RTL4: variants seen among roughly 807,000 people sequenced by gnomAD.
The protein encoded by RTL4 is retrotransposon Gag like 4.
In RTL4, 4 loss-of-function variants were observed where a neutral mutation model predicts 5.3. The ratio of observed to expected loss-of-function variants is 0.75; its 90% CI spans 0.37 to 1.72. The LOEUF is 1.72. Ranked by LOEUF, RTL4 falls within the 40% of genes most tolerant of loss-of-function variation. The pLI is 0.04. For synonymous variants in RTL4, 98 were observed against 87.3 expected (o/e 1.12, Z -0.68); for missense variants, 260 against 227.1 (o/e 1.14, Z -0.93).
chrX:112,269,219 C>T, the RTL4 span, among the ~76,000 whole-genome samples: 3 of 111,903 alleles, frequency 2.7e-5, 1 homozygote, highest in Admixed American at 2.8e-4. Context: ...TTTTCATGTC[C>T]CTTATCTGAA....
the RTL4 span, among the ~76,000 whole-genome samples, chrX:112,086,338 A>G: frequency 1.8e-5 from 2 of 112,691 alleles, no homozygotes; most frequent in Non-Finnish European, 3.8e-5. Flanking sequence ...TTTGTTTTCA[A>G]GGAAAGTTTC....
upstream of RTL4, among the ~76,000 whole-genome samples, chrX:112,454,155 G>A (rs777482780): frequency 8.0e-5 from 9 of 111,960 alleles, no homozygotes; most frequent in South Asian, 3.4e-3. Flanking sequence ...GCTTCCATGG[G>A]CCACATTGGA....
At chrX:112,207,098 A>G in the RTL4 span, among the ~76,000 whole-genome samples, 4 of 111,687 alleles carry the variant, frequency 3.6e-5, no homozygotes, top group Admixed American at 9.6e-5. Context: ...TTATTATAAT[A>G]GTCTCCTTAA....
At chrX:112,112,064 G>C in the RTL4 span, among the ~76,000 whole-genome samples, 1 of 111,704 alleles carries the variant, frequency 9.0e-6, no homozygotes. Flanking sequence ...TCCTTTCCTT[G>C]TATTATTTTG....
chrX:112,264,162 T>C, the RTL4 span, among the ~76,000 whole-genome samples: 1 of 111,646 alleles, frequency 9.0e-6, no homozygotes, highest in Non-Finnish European at 1.9e-5. Flanking sequence ...AAAATAAAGA[T>C]GACGACTGCT....
the RTL4 span, among the ~76,000 whole-genome samples, chrX:112,302,957 T>G: frequency 0.24 from 26,424 of 111,411 alleles, 2,486 homozygotes; most frequent in Admixed American, 0.34. Flanking sequence ...ACAGGAATCC[T>G]ATCCAGAGGA....
At chrX:112,269,441 T>C in the RTL4 span, among the ~76,000 whole-genome samples, 2 of 111,471 alleles carry the variant, frequency 1.8e-5, no homozygotes, top group African/African-American at 6.5e-5. Context: ...CTTTTTGCTC[T>C]AAATCACACT....
the RTL4 span, among the ~76,000 whole-genome samples, chrX:112,166,249 T>G: frequency 8.9e-6 from 1 of 112,062 alleles, no homozygotes. Context: ...GGGTATTCTT[T>G]AATTATTTTG....
At chrX:112,188,049 G>A in the RTL4 span, among the ~76,000 whole-genome samples, 2 of 111,278 alleles carry the variant, frequency 1.8e-5, no homozygotes, top group Non-Finnish European at 3.8e-5. Context: ...TCTACTAGGC[G>A]CCAGACACAT....
the RTL4 span, among the ~76,000 whole-genome samples, chrX:112,439,034 C>G: frequency 8.9e-6 from 1 of 111,772 alleles, no homozygotes; most frequent in Non-Finnish European, 1.9e-5. Context: ...AGTCCAGAAG[C>G]AGGGAAGTAA....
At chrX:112,409,130 T>A in the RTL4 span, among the ~76,000 whole-genome samples, 1 of 112,230 alleles carries the variant, frequency 8.9e-6, no homozygotes, top group Non-Finnish European at 1.9e-5. Flanking sequence ...ACACAGAATA[T>A]TATAACACTG....
At chrX:112,341,777 G>A in the RTL4 span, among the ~76,000 whole-genome samples, 1 of 111,749 alleles carries the variant, frequency 8.9e-6, no homozygotes, top group African/African-American at 3.3e-5. Flanking sequence ...GGTCAGATGA[G>A]TAATCTTAAA....
At chrX:112,239,481 G>A in the RTL4 span, among the ~76,000 whole-genome samples, 38 of 111,616 alleles carry the variant, frequency 3.4e-4, no homozygotes, top group East Asian at 0.01. Context: ...TCTGCTTTTC[G>A]CCTTCCTGGT....
chrX:112,423,248 T>C, the RTL4 span, among the ~76,000 whole-genome samples: 2 of 110,184 alleles, frequency 1.8e-5, no homozygotes, highest in Non-Finnish European at 3.8e-5. Context: ...GGTCGATGCA[T>C]GTGGATTATG....
At chrX:112,316,930 G>A in the RTL4 span, among the ~76,000 whole-genome samples, 1 of 111,767 alleles carries the variant, frequency 8.9e-6, no homozygotes, top group African/African-American at 3.3e-5. Flanking sequence ...GCCACATGTC[G>A]CTGTAAATAC....
Position 112,454,630 on chromosome X carries a change from G to T in RTL4, c.-99G>T. 1.2e-6 allele frequency: 1 copy of T among 823,458 alleles called. No individual in the cohort carries two copies. The highest frequency in any genetic ancestry group is 1.7e-6 in the Non-Finnish European group (1 of 582,411). The allele number at this position is 823,458 out of a possible 1,213,427, so 67.9% of individuals were successfully genotyped here. ...CTAACAGCTTTGGCTACTTGCTCAT[G>T]ACACTCCGTCTCTGATCACAGAGCA... On this transcript the variant is annotated 5_prime_UTR_variant, in exon 1 of 1. An upstream start codon of the reference 5' UTR is lost. Transcript: ENST00000340433.
chrX:112,419,337 CTTTTTTTTTTTTTTTTTTTTTTTTT>C, the RTL4 span, among the ~76,000 whole-genome samples: 3 of 24,392 alleles, frequency 1.2e-4, no homozygotes, highest in East Asian at 1.4e-3. Flanking sequence ...TTCCATTCAG[CTTTTTTTTTTTTTTTTTTTTTTTTT>C]TTTTTTTTTT....
chrX:112,347,493 A>G, the RTL4 span, among the ~76,000 whole-genome samples: 1 of 111,203 alleles, frequency 9.0e-6, no homozygotes, highest in Non-Finnish European at 1.9e-5. Context: ...CTACTCACCA[A>G]TTATTCCAAG....
At chrX:112,180,992 T>C in the RTL4 span, among the ~76,000 whole-genome samples, 1 of 111,449 alleles carries the variant, frequency 9.0e-6, no homozygotes, top group East Asian at 2.8e-4. Context: ...GCTCATCTCA[T>C]TGGGACTGGT....
Sources: gnomAD v4.1 joint callset for allele counts (sites outside exome capture counted in the v4.1 genomes callset) on GRCh38, gnomAD v4.1.1 for gene constraint, MANE v1.5 for transcripts, NCBI Gene and HGNC (gene_info 2026-07-23, HGNC 2026-07-21) for gene names.